Variants in TENM4 observed in about 807,000 individuals in gnomAD.
TENM4 encodes the protein teneurin-4.
TENM4 carries 82 observed loss-of-function variants against 243.3 expected under a neutral mutation model. That is an observed-to-expected ratio of 0.34 (90% CI 0.28 to 0.40). The LOEUF (loss-of-function observed/expected upper bound fraction) is 0.40, where lower values mean the gene tolerates loss of function less well. Among genes scored for constraint, TENM4 ranks in the 10% least tolerant of loss-of-function variants. TENM4 has a pLI of 1.00. For synonymous variants in TENM4, 1,412 were observed against 1,456.3 expected, an observed-to-expected ratio of 0.97 and a Z score of 0.69; for missense variants, 3,138 against 3,673.3, an observed-to-expected ratio of 0.85 and a Z score of 3.77.
chr11:78,762,475 C>G (rs1263238786), intron 18 of TENM4, among the ~76,000 whole-genome samples: 1 of 152,176 alleles, frequency 6.6e-6, no homozygotes, highest in Non-Finnish European at 1.5e-5. Context: ...TTGGGGTCCT[C>G]TGCAATGGAA....
At chr11:78,901,600 G>A (rs1855930424) in intron 7 of TENM4, among the ~76,000 whole-genome samples, 1 of 152,130 alleles carries the variant, frequency 6.6e-6, no homozygotes, top group African/African-American at 2.4e-5. Context: ...GAACATCCAA[G>A]CAGAGGGAGT....
intron 27 of TENM4, among the ~76,000 whole-genome samples, chr11:78,704,633 A>G (rs1205569146): frequency 6.6e-6 from 1 of 152,190 alleles, no homozygotes; most frequent in African/African-American, 2.4e-5. Flanking sequence ...ATTGGGGAAA[A>G]ATATAAGAAG....
intron 1 of TENM4, among the ~76,000 whole-genome samples, chr11:79,433,067 A>T (rs1012742646): frequency 1.3e-5 from 2 of 152,182 alleles, no homozygotes; most frequent in African/African-American, 4.8e-5. Context: ...ATTATTCCCC[A>T]AATCTAAAAT....
At chr11:78,956,374 A>C (rs1031867399) in intron 6 of TENM4, among the ~76,000 whole-genome samples, 1 of 152,062 alleles carries the variant, frequency 6.6e-6, no homozygotes, top group African/African-American at 2.4e-5. Flanking sequence ...CTCCTTATCA[A>C]CTCAGAGTTG....
At chr11:78,819,292 A>G (rs1300830885) in intron 12 of TENM4, among the ~76,000 whole-genome samples, 2 of 152,232 alleles carry the variant, frequency 1.3e-5, no homozygotes, top group African/African-American at 4.8e-5. Flanking sequence ...AAGGTGAAAG[A>G]TGATCACAGC....
intron 2 of TENM4, among the ~76,000 whole-genome samples, chr11:79,286,629 A>G (rs1458163430): frequency 6.6e-6 from 1 of 152,116 alleles, no homozygotes. Context: ...GAATCGTGCC[A>G]CGGCACTCCA....
At chr11:78,989,773 G>T (rs771852626) in intron 6 of TENM4, among the ~76,000 whole-genome samples, 1 of 152,166 alleles carries the variant, frequency 6.6e-6, no homozygotes, top group Admixed American at 6.5e-5. Flanking sequence ...GATGGTTTAG[G>T]CTGGGCACCA....
intron 10 of TENM4, among the ~76,000 whole-genome samples, chr11:78,861,177 C>T (rs1418217225): frequency 6.6e-6 from 1 of 152,206 alleles, no homozygotes; most frequent in African/African-American, 2.4e-5. Flanking sequence ...GACATGGGCA[C>T]CACGAGCCAA....
chr11:79,154,201 G>A (rs1013797015), intron 3 of TENM4, among the ~76,000 whole-genome samples: 121 of 152,148 alleles, frequency 8.0e-4, no homozygotes, highest in African/African-American at 2.7e-3. Flanking sequence ...CATAGTGTTG[G>A]CATCTGCTTC....
In TENM4 at chr11:78,836,355, A is replaced by G. The variant is rs1275908920; in HGVS notation, c.1681+17749T>C. On this transcript the variant is annotated intron_variant, in intron 12 of 33. Transcript: ENST00000278550. ...ACAAGAGTGAGACTCTGTCCCAAAA[A>G]GTAAACAAAAAAACAAGAAAAAAAC... 2.0e-5 allele frequency among the ~76,000 whole-genome samples: 3 copies of G among 152,220 alleles called. No homozygotes were observed. The East Asian group carries it at 5.8e-4, about 29-fold the overall frequency.
chr11:79,058,911 G>A (rs2136963887), intron 6 of TENM4, among the ~76,000 whole-genome samples: 1 of 152,228 alleles, frequency 6.6e-6, no homozygotes, highest in African/African-American at 2.4e-5. Context: ...CAATGAGTTG[G>A]GTTGCTGCAG....
At chr11:78,756,683 A>T in intron 19 of TENM4, 122 bp downstream of exon 19, 1 of 911,942 alleles carries the variant, frequency 1.1e-6, no homozygotes. Context: ...ACATTCCATC[A>T]GGAACCATGG....
chr11:78,935,343 A>G (rs1856762068), intron 6 of TENM4, among the ~76,000 whole-genome samples: 1 of 152,168 alleles, frequency 6.6e-6, no homozygotes, highest in South Asian at 2.1e-4. Context: ...TTTCTTGAAC[A>G]CTTGGAAAAA....
At chr11:79,103,381 A>T (rs1347009726) in intron 4 of TENM4, among the ~76,000 whole-genome samples, 1 of 152,202 alleles carries the variant, frequency 6.6e-6, no homozygotes, top group Non-Finnish European at 1.5e-5. Flanking sequence ...GACCAGGGCC[A>T]TGTTGTAAGC....
At chr11:79,421,629 T>A (rs903920743) in intron 1 of TENM4, among the ~76,000 whole-genome samples, 1 of 151,908 alleles carries the variant, frequency 6.6e-6, no homozygotes, top group African/African-American at 2.4e-5. Flanking sequence ...GAGAGTCATC[T>A]CGAGGTCACC....
At chr11:78,940,180 A>G (rs1856861708) in intron 6 of TENM4, among the ~76,000 whole-genome samples, 1 of 152,170 alleles carries the variant, frequency 6.6e-6, no homozygotes, top group African/African-American at 2.4e-5. Flanking sequence ...CTGTATATAC[A>G]GTTTATATCC....
chr11:78,713,636 G>C (rs76344439), intron 25 of TENM4, among the ~76,000 whole-genome samples: 1,956 of 152,156 alleles, frequency 0.013, 22 homozygotes, highest in Non-Finnish European at 0.019. Flanking sequence ...GCAAAATAGG[G>C]GTGTTAACAG....
intron 6 of TENM4, among the ~76,000 whole-genome samples, chr11:78,905,396 G>A (rs1265516610): frequency 2.0e-5 from 3 of 152,110 alleles, no homozygotes; most frequent in South Asian, 2.1e-4. Flanking sequence ...TGGGGAATTC[G>A]GGAAAGGGGA....
intron 4 of TENM4, among the ~76,000 whole-genome samples, chr11:79,104,812 A>C (rs566201441): frequency 3.9e-4 from 59 of 152,312 alleles, no homozygotes; most frequent in Non-Finnish European, 8.2e-4. Flanking sequence ...CCTACTGTAC[A>C]CAAAGCACTT....
Sources: gnomAD v4.1 joint callset for allele counts (sites outside exome capture counted in the v4.1 genomes callset) on GRCh38, gnomAD v4.1.1 for gene constraint, MANE v1.5 for transcripts, NCBI Gene and HGNC (gene_info 2026-07-23, HGNC 2026-07-21) for gene names.